Variants in ACVR2B observed in about 807,000 individuals in gnomAD.
ACVR2B encodes the protein activin receptor type-2B.
ACVR2B carries 18 observed loss-of-function variants against 65.1 expected under a neutral mutation model. That is an observed-to-expected ratio of 0.28 (90% CI 0.19 to 0.41). ACVR2B has a LOEUF of 0.41. ACVR2B is among the 10% of genes least tolerant of loss of function. ACVR2B has a pLI of 1.00. For synonymous variants in ACVR2B, 298 were observed against 277.7 expected (o/e 1.07, Z -0.73); for missense variants, 482 against 682.7 (o/e 0.71, Z 3.28).
chr3:38,472,246 A>C (rs1709831023), intron 1 of ACVR2B, among the ~76,000 whole-genome samples: 1 of 152,110 alleles, frequency 6.6e-6, no homozygotes, highest in Admixed American at 6.5e-5. Flanking sequence ...CTGTGGAATC[A>C]TAACATGGAT....
At position 38,483,421 on chromosome 3, in the gene ACVR2B, C is replaced by T. The variant is rs927184765; in HGVS notation, c.*89C>T. 251 of 1,237,514 alleles carry T rather than the reference C, an allele frequency of 2.0e-4. No homozygotes were observed. The highest frequency in any genetic ancestry group is 2.7e-4 in the Non-Finnish European group (230 of 849,896). 76.7% of individuals were successfully genotyped at this position (1,237,514 alleles called of 1,614,324 possible). A position where few individuals can be genotyped will look rare whatever the true frequency, so the allele number is the denominator to read the frequency against. ...TTTTGTTTTGGAAATCCCATAAAAC[C>T]AACAAACACATAAAATGCAGCTGCT... On this transcript the variant is annotated 3_prime_UTR_variant, in exon 11 of 11. Coordinates refer to ENST00000352511, the MANE Select transcript of ACVR2B (RefSeq NM_001106.4). The surrounding 1 kb of genome is among the most constrained non-coding windows in gnomAD (Gnocchi z 4.8).
chr3:38,479,191 C>G lies in ACVR2B; in HGVS notation c.730C>G (p.Leu244Val). ...CACACCTGGCATGAAGCACGAGAACCTGCTACAGTTCATTGCTGCCGAGAA... is the reference window on the plus strand; with the variant it reads ...CACACCTGGCATGAAGCACGAGAACGTGCTACAGTTCATTGCTGCCGAGAA... Reference protein sequence around the residue: ...FSTPGMKHENLLQFIAAEKRG... With the variant: ...FSTPGMKHENVLQFIAAEKRG... Residue 244 changes from leucine (L) to valine (V), a missense_variant, in exon 6 of 11, where the codon CTG becomes GTG. By Grantham distance (32) the Leu-to-Val change is conservative (BLOSUM62 1). Coordinates refer to ENST00000352511, the MANE Select transcript of ACVR2B (RefSeq NM_001106.4). The G allele has an allele frequency of 6.2e-7, 1 of 1,614,210 alleles. No homozygotes were observed. Among genetic ancestry groups the G allele is most frequent in the Non-Finnish European group, 8.5e-7 (1 of 1,180,034 alleles).
chr3:38,467,661 A>G (rs977960515), intron 1 of ACVR2B, among the ~76,000 whole-genome samples: 2 of 151,388 alleles, frequency 1.3e-5, no homozygotes, highest in Non-Finnish European at 2.9e-5. Flanking sequence ...CTGAAGTGGG[A>G]GGATTGTTTG....
intron 8 of ACVR2B, 67 bp from the exon 9 acceptor site, chr3:38,482,131 T>C (rs1007512991): frequency 5.2e-5 from 83 of 1,608,062 alleles, no homozygotes; most frequent in Non-Finnish European, 6.8e-5. Context: ...AGGCTGTAAC[T>C]CCCATGTCCC....
Position 38,479,206 on chromosome 3 carries a change from G to T in ACVR2B, c.745G>T (p.Ala249Ser), listed in dbSNP as rs759214358. 2.5e-6 allele frequency: 4 copies of T among 1,614,210 alleles called. No individual in the cohort carries two copies. The South Asian group carries it at 3.3e-5, about 13-fold the overall frequency. ...GCACGAGAACCTGCTACAGTTCATT[G>T]CTGCCGAGAAGCGAGGCTCCAACCT... ...MKHENLLQFI[A>S]AEKRGSNLEV... is the part of the protein sequence containing the mutation. The change falls in exon 6 of 11, where the codon GCT (alanine) becomes TCT (serine). Residue 249 changes from alanine (A) to serine (S), a missense_variant. This residue lies in a region of ACVR2B where 223 missense variants were observed against 386.3 expected (regional missense o/e 0.58). Coordinates refer to ENST00000352511, the MANE Select transcript of ACVR2B (RefSeq NM_001106.4).
chr3:38,473,319 T>A (rs1253456081), intron 1 of ACVR2B: 1 of 152,218 alleles, frequency 6.6e-6, no homozygotes, highest in Non-Finnish European at 1.5e-5. Flanking sequence ...GGGGGTACCA[T>A]AAGCACCCGC....
chr3:38,468,001 T>G (rs1461889351), intron 1 of ACVR2B, among the ~76,000 whole-genome samples: 1 of 152,042 alleles, frequency 6.6e-6, no homozygotes, highest in African/African-American at 2.4e-5. Context: ...ACCTCAGCCT[T>G]TGAAGTAGCT....
chr3:38,459,655 G>C, intron 1 of ACVR2B: 1 of 985,434 alleles, frequency 1.0e-6, no homozygotes, highest in Non-Finnish European at 1.2e-6. Flanking sequence ...CCCAGGCCGG[G>C]GACACCAGGG....
At chr3:38,475,610 T>A (rs962170410) in intron 1 of ACVR2B, 1 of 152,206 alleles carries the variant, frequency 6.6e-6, no homozygotes, top group Non-Finnish European at 1.5e-5. Flanking sequence ...GGTGGGGGGC[T>A]TCTTTCACCT....
Position 38,484,163 on chromosome 3 carries a change from C to G in ACVR2B, c.*831C>G, listed in dbSNP as rs1361556019. On this transcript the variant is annotated 3_prime_UTR_variant, in exon 11 of 11. Transcript: ENST00000352511. ...GAGATTGGGTGCAGCCCTGACTTAC[C>G]TGCTGGCCCTGACCAGTTTCTTTTC... is the stretch of plus-strand genomic sequence containing the variant. The G allele has an allele frequency of 6.6e-6, 1 of 152,614 alleles. No individual in the cohort carries two copies. The highest frequency in any genetic ancestry group is 2.4e-5 in the African/African-American group (1 of 41,442). 9.5% of individuals were successfully genotyped at this position (152,614 alleles called of 1,614,324 possible).
At chr3:38,454,424 C>T (rs755345899) in intron 1 of ACVR2B, 50 bp downstream of exon 1, 1 of 1,227,274 alleles carries the variant, frequency 8.1e-7, no homozygotes, top group Non-Finnish European at 1.0e-6. Flanking sequence ...GCGGGGCTGG[C>T]CTCTGGCGCC....
intron 7 of ACVR2B, among the ~76,000 whole-genome samples, chr3:38,480,455 C>T (rs137931250): frequency 6.6e-6 from 1 of 152,304 alleles, no homozygotes; most frequent in East Asian, 1.9e-4. Context: ...ACCTTCATTA[C>T]CGCCCATTGA....
At chr3:38,454,598 C>G (rs1370122424) in intron 1 of ACVR2B, 1 of 365,758 alleles carries the variant, frequency 2.7e-6, no homozygotes, top group African/African-American at 2.1e-5. Flanking sequence ...ATTCTGGTTC[C>G]TAGAGGCGCC....
Position 38,493,023 on chromosome 3 carries a change from T to C in ACVR2B, c.*9691T>C, listed in dbSNP as rs1399667558. ...CACTGGGTCCTCAAATAAACCGATGTGAATGTAGTTTTTTCCCCCTGTGTG... is the reference window on the plus strand; with the variant it reads ...CACTGGGTCCTCAAATAAACCGATGCGAATGTAGTTTTTTCCCCCTGTGTG... On this transcript the variant is annotated 3_prime_UTR_variant, in exon 11 of 11. Coordinates refer to ENST00000352511, the MANE Select transcript of ACVR2B (RefSeq NM_001106.4). 1 of 152,612 alleles carries C rather than the reference T, an allele frequency of 6.6e-6. No individual in the cohort carries two copies. Among genetic ancestry groups the C allele is most frequent in the African/African-American group, 2.4e-5 (1 of 41,438 alleles). The allele number at this position is 152,612 out of a possible 1,614,324, so 9.5% of individuals were successfully genotyped here.
chr3:38,459,712 CAG>C, intron 1 of ACVR2B: 5 of 976,430 alleles, frequency 5.1e-6, no homozygotes, highest in Non-Finnish European at 4.9e-6. Context: ...GTCTCTCCCT[CAG>C]GGTGTGGTGG....
In ACVR2B at chr3:38,477,729, G is replaced by A; in HGVS notation, c.261-132G>A. The A allele has an allele frequency of 1.8e-6, 2 of 1,087,948 alleles. No homozygotes were observed. The highest frequency in any genetic ancestry group is 1.4e-6 in the Non-Finnish European group (1 of 701,332). The allele number at this position is 1,087,948 out of a possible 1,614,324, so 67.4% of individuals were successfully genotyped here. A position where few individuals can be genotyped will look rare whatever the true frequency, so the allele number is the denominator to read the frequency against. On this transcript the variant is annotated intron_variant, in intron 2 of 10. Coordinates refer to ENST00000352511, the MANE Select transcript of ACVR2B (RefSeq NM_001106.4). This position sits in a 1 kb window ranked among gnomAD's most constrained non-coding sequence, Gnocchi z 6.7. The stretch of plus-strand genomic sequence containing the variant: ...CCTTGGCTTTGGGTCTCCTGTAGGG[G>A]AGGTGAGTTCACACCGTCCCCCTGG...
At chr3:38,466,739 G>A (rs958189519) in intron 1 of ACVR2B, among the ~76,000 whole-genome samples, 5 of 152,002 alleles carry the variant, frequency 3.3e-5, no homozygotes, top group South Asian at 2.1e-4. Context: ...TCCTGACCTC[G>A]TGATCCACCT....
chr3:38,459,177 G>A lies in ACVR2B; in HGVS notation c.52+4803G>A, dbSNP rs116084021. Reference sequence around the variant, plus strand: ...CCCCCACTCTGGATGCAGGGTTGGAGGTGAGGTTCTCCTCAAAGCCTAGGA... The same window carrying A: ...CCCCCACTCTGGATGCAGGGTTGGAAGTGAGGTTCTCCTCAAAGCCTAGGA... On this transcript the variant is annotated intron_variant, in intron 1 of 10. Transcript: ENST00000352511. Among the ~76,000 whole-genome samples the A allele has an allele frequency of 2.8e-3, 419 of 152,316 alleles. 1 individual carries two copies. The highest frequency in any genetic ancestry group is 9.4e-3 in the African/African-American group (392 of 41,570).
chr3:38,480,988 G>C (rs1710007592), intron 7 of ACVR2B, among the ~76,000 whole-genome samples: 1 of 152,214 alleles, frequency 6.6e-6, no homozygotes, highest in Non-Finnish European at 1.5e-5. Flanking sequence ...CATTCCAAAT[G>C]CTGTAAATTC....
Sources: gnomAD v4.1 joint callset for allele counts (sites outside exome capture counted in the v4.1 genomes callset) on GRCh38, gnomAD v4.1.1 for gene constraint, gnomAD v4.1.1 regional missense constraint, Gnocchi (gnomAD v3.1) non-coding constraint, MANE v1.5 for transcripts, NCBI Gene and HGNC (gene_info 2026-07-23, HGNC 2026-07-21) for gene names.